FBXW9: variants seen among roughly 807,000 people sequenced by gnomAD.
The protein encoded by FBXW9 is F-box and WD repeat domain containing 9, also known as F-box/WD repeat-containing protein 9.
A neutral mutation model predicts 55.8 loss-of-function variants in FBXW9; 38 were observed. The ratio of observed to expected loss-of-function variants is 0.68; its 90% CI spans 0.53 to 0.89. FBXW9 has a LOEUF of 0.89. FBXW9 is among the 40% of genes least tolerant of loss of function. FBXW9 has a pLI of 0.00. For synonymous variants in FBXW9, 289 were observed against 278.2 expected, an observed-to-expected ratio of 1.04 and a Z score of -0.38; for missense variants, 590 against 619.4, an observed-to-expected ratio of 0.95 and a Z score of 0.50.
chr19:12,694,665 G>A lies in FBXW9; in HGVS notation c.607C>T (p.Arg203Trp), dbSNP rs745484869. 1.2e-5 allele frequency: 20 copies of A among 1,614,162 alleles called. No individual in the cohort carries two copies. The highest frequency in any genetic ancestry group is 4.4e-5 in the South Asian group (4 of 91,088). ...TGGTTGGACTCCGTCCCCAGCTGCC[G>A]CAGGTCCCACAAGTTGACGTTGCGA... The part of the protein sequence containing the change: ...RDRNVNLWDL[R>W]QLGTESNQVL... Residue 203 changes from arginine to tryptophan, a missense_variant, in exon 3 of 10, where the codon CGG (arginine) becomes TGG (tryptophan). Transcript: ENST00000393261.
Position 12,689,825 on chromosome 19 carries a change from G to A in FBXW9, c.1082C>T (p.Ala361Val). The change falls in exon 7 of 10, where the codon GCT (alanine) becomes GTT (valine). Residue 361 changes from alanine (A) to valine (V), a missense_variant. Physicochemically the swap from Ala to Val is moderately conservative, Grantham distance 64. Transcript: ENST00000393261. This position sits in a 1 kb window ranked among gnomAD's most constrained non-coding sequence, Gnocchi z 5.9. ...GTGCAGCAGGCCCTGGTTGTCACCAGCCCAGAGCTGGGGTTCCTGGTAGGA... is the reference window on the plus strand; with the variant it reads ...GTGCAGCAGGCCCTGGTTGTCACCAACCCAGAGCTGGGGTTCCTGGTAGGA... Reference protein sequence around the residue: ...CMSYQEPQLWAGDNQGLLHVF... With the variant: ...CMSYQEPQLWVGDNQGLLHVF... 6.2e-7 allele frequency: 1 copy of A among 1,614,182 alleles called. No homozygotes were observed. The highest frequency in any genetic ancestry group is 8.5e-7 in the Non-Finnish European group (1 of 1,180,032).
intron 1 of FBXW9, 24 bp downstream of exon 1, chr19:12,696,149 T>C (rs1414041222): frequency 8.3e-6 from 12 of 1,453,384 alleles, no homozygotes; most frequent in African/African-American, 2.9e-5. Context: ...CGGCCCCCGG[T>C]CCCCGGCCCC....
In FBXW9 at chr19:12,691,245, G is replaced by A. The variant is rs201295755; in HGVS notation, c.804C>T (p.Ala268=). ...QQFGEIKASS[A]VLCLSYLPDI... ...CAGGCAGGTAGGAGAGGCACAGCACGGCTGAGCTGGCCCTAGGGACACACA... is the reference window on the plus strand; with the variant it reads ...CAGGCAGGTAGGAGAGGCACAGCACAGCTGAGCTGGCCCTAGGGACACACA... The change falls in exon 5 of 10, where the codon GCC becomes GCT. Residue 268 remains alanine, a synonymous_variant. Coordinates refer to ENST00000393261, the MANE Select transcript of FBXW9 (RefSeq NM_032301.3). 4,438 of 1,614,158 alleles carry A rather than the reference G, an allele frequency of 2.7e-3. 11 individuals carry two copies. The highest frequency in any genetic ancestry group is 3.4e-3 in the Non-Finnish European group (4,005 of 1,179,994).
rs774734992 is a variant in FBXW9, at chr19:12,694,694, C to T, written c.578G>A (p.Arg193Gln). The change falls in exon 3 of 10, where the codon CGA (arginine) becomes CAA (glutamine). Residue 193 changes from arginine to glutamine, a missense_variant. Coordinates refer to ENST00000393261, the MANE Select transcript of FBXW9 (RefSeq NM_032301.3). ...GTCCCACAAGTTGACGTTGCGATCTCGGGAGCCCGACAGACAGAGTGACCC... is the reference window on the plus strand; with the variant it reads ...GTCCCACAAGTTGACGTTGCGATCTTGGGAGCCCGACAGACAGAGTGACCC... ...QGGSLCLSGS[R>Q]DRNVNLWDLR... 15 of 1,614,062 alleles carry T rather than the reference C, an allele frequency of 9.3e-6. No homozygotes were observed. The highest frequency in any genetic ancestry group is 1.7e-5 in the Admixed American group (1 of 60,000).
chr19:12,691,309 C>G (rs764855748), intron 4 of FBXW9, 33 bp downstream of exon 4: 3 of 1,612,486 alleles, frequency 1.9e-6, no homozygotes, highest in Non-Finnish European at 1.7e-6. Context: ...AGGGTCCTAT[C>G]CCCGCAGGCC....
chr19:12,695,320 G>C (rs772018504), intron 1 of FBXW9, among the ~76,000 whole-genome samples: 19 of 152,180 alleles, frequency 1.2e-4, no homozygotes, highest in Non-Finnish European at 2.6e-4. Context: ...ATCTGAACCA[G>C]ACCAAGGGGG....
intron 1 of FBXW9, 98 bp from the exon 2 acceptor site, chr19:12,695,036 C>G: frequency 7.1e-7 from 1 of 1,399,350 alleles, no homozygotes. Flanking sequence ...GCCCACACTA[C>G]ACCAGACTTG....
chr19:12,693,058 A>ACT (rs1433524451), intron 3 of FBXW9, among the ~76,000 whole-genome samples: 2 of 152,118 alleles, frequency 1.3e-5, no homozygotes, highest in African/African-American at 4.8e-5. Context: ...TGAGGAGGGC[A>ACT]ATATTGTGTA....
Position 12,696,328 on chromosome 19 carries a change from T to C in FBXW9, c.254A>G (p.Glu85Gly). 6.3e-7 allele frequency: 1 copy of C among 1,592,394 alleles called. No homozygotes were observed. Among genetic ancestry groups the C allele is most frequent in the South Asian group, 1.1e-5 (1 of 88,836 alleles). Reference sequence around the variant, plus strand: ...GTAGGAGCAGATCTCGAGCAGCAGCTCCGGGGGAAGGCTCAGAAGGCCCGG... The same window carrying C: ...GTAGGAGCAGATCTCGAGCAGCAGCCCCGGGGGAAGGCTCAGAAGGCCCGG... ...SEPGLLSLPP[E>G]LLLEICSYLD... The change falls in exon 1 of 10, where the codon GAG becomes GGG. Residue 85 changes from glutamate to glycine, a missense_variant. Coordinates refer to ENST00000393261, the MANE Select transcript of FBXW9 (RefSeq NM_032301.3).
chr19:12,696,590 G>C lies in FBXW9; in HGVS notation c.-9C>G, dbSNP rs777124584. ...CCTAGGGGAAGCTCCATTGCGACCGGGTGGGCGCTGCCGGCCTCGCGTCTT... is the reference window on the plus strand; with the variant it reads ...CCTAGGGGAAGCTCCATTGCGACCGCGTGGGCGCTGCCGGCCTCGCGTCTT... On this transcript the variant is annotated 5_prime_UTR_variant, in exon 1 of 10. Transcript: ENST00000393261. 2.5e-6 allele frequency: 4 copies of C among 1,604,824 alleles called. No individual in the cohort carries two copies. The highest frequency in any genetic ancestry group is 3.4e-6 in the Non-Finnish European group (4 of 1,179,150).
chr19:12,694,664 C>T lies in FBXW9; in HGVS notation c.608G>A (p.Arg203Gln), dbSNP rs778546181. The change falls in exon 3 of 10, where the codon CGG becomes CAG. Residue 203 changes from arginine (R) to glutamine (Q), a missense_variant. Physicochemically the swap from Arg to Gln is conservative, Grantham distance 43. Transcript: ENST00000393261. ...CTGGTTGGACTCCGTCCCCAGCTGC[C>T]GCAGGTCCCACAAGTTGACGTTGCG... ...RDRNVNLWDL[R>Q]QLGTESNQVL... 12 of 1,614,192 alleles carry T rather than the reference C, an allele frequency of 7.4e-6. No individual in the cohort carries two copies. In the South Asian group the frequency reaches 1.1e-4, roughly 15 times the overall value.
chr19:12,696,086 G>T, intron 1 of FBXW9, 87 bp downstream of exon 1: 1 of 1,301,570 alleles, frequency 7.7e-7, no homozygotes, highest in Non-Finnish European at 1.0e-6. Context: ...GCTGCATCCG[G>T]AACACCCCAT....
In FBXW9 at chr19:12,690,125, G is replaced by C. The variant is rs2024986459; in HGVS notation, c.884-15C>G. ...GGCTGGGCCGGCTTCATGGGTGATG[G>C]GCCGGTGAGGAGGGATATCAGAGCC... is the stretch of plus-strand genomic sequence containing the variant. On this transcript the variant is annotated splice_polypyrimidine_tract_variant and intron_variant, in intron 5 of 9. Coordinates refer to ENST00000393261, the MANE Select transcript of FBXW9 (RefSeq NM_032301.3). 2 of 1,613,172 alleles carry C rather than the reference G, an allele frequency of 1.2e-6. No homozygotes were observed. The highest frequency in any genetic ancestry group is 2.7e-5 in the African/African-American group (2 of 74,894).
At position 12,691,225 on chromosome 19, in the gene FBXW9, A is replaced by G; in HGVS notation, c.824T>C (p.Leu275Pro). 6.2e-7 allele frequency: 1 copy of G among 1,614,216 alleles called. No homozygotes were observed. The highest frequency in any genetic ancestry group is 8.5e-7 in the Non-Finnish European group (1 of 1,180,024). ...ASSAVLCLSY[L>P]PDILVTGTYD... ...GGTGCCAGTCACCAGGATGTCAGGC[A>G]GGTAGGAGAGGCACAGCACGGCTGA... The change falls in exon 5 of 10, where the codon CTG becomes CCG. Residue 275 changes from leucine to proline, a missense_variant. Coordinates refer to ENST00000393261, the MANE Select transcript of FBXW9 (RefSeq NM_032301.3).
chr19:12,694,410 A>T (rs1034293329), intron 3 of FBXW9, among the ~76,000 whole-genome samples, 184 bp downstream of exon 3: 2 of 151,932 alleles, frequency 1.3e-5, no homozygotes, highest in South Asian at 2.1e-4. Context: ...CTTCATCCTC[A>T]TCCTAATCAC....
chr19:12,693,488 G>A (rs1342820483), intron 3 of FBXW9, among the ~76,000 whole-genome samples: 10 of 100,162 alleles, frequency 1.0e-4, no homozygotes, highest in East Asian at 3.6e-4. Context: ...GCGAAACCTC[G>A]TCTCTACTAA....
intron 5 of FBXW9, 102 bp from the exon 6 acceptor site, chr19:12,690,212 C>A (rs749882252): frequency 2.6e-6 from 4 of 1,562,092 alleles, no homozygotes; most frequent in Non-Finnish European, 3.5e-6. Flanking sequence ...TGGCAAAACC[C>A]TCGATCTGCT....
At chr19:12,691,130 C>T in intron 5 of FBXW9, 36 bp downstream of exon 5, 1 of 1,567,124 alleles carries the variant, frequency 6.4e-7, no homozygotes, top group Non-Finnish European at 8.8e-7. Flanking sequence ...CCTAACATGA[C>T]ATCTCCCAAC....
In FBXW9 at chr19:12,689,598, A is replaced by G; in HGVS notation, c.1179T>C (p.Thr393=). ...SFDVGHSFPI[T]GIQYSVGALY... ...AGGCTCCCACGGAGTACTGGATCCC[A>G]GTGATGGGAAAGCTGTGGCCCACAT... is the stretch of plus-strand genomic sequence containing the variant. Residue 393 remains threonine, a synonymous_variant, in exon 8 of 10, where the codon ACT becomes ACC. Coordinates refer to ENST00000393261, the MANE Select transcript of FBXW9 (RefSeq NM_032301.3). This position sits in a 1 kb window ranked among gnomAD's most constrained non-coding sequence, Gnocchi z 5.9. 1.2e-6 allele frequency: 2 copies of G among 1,614,104 alleles called. No individual in the cohort carries two copies. Among genetic ancestry groups the G allele is most frequent in the African/African-American group, 1.3e-5 (1 of 75,024 alleles).
Sources: gnomAD v4.1 joint callset for allele counts (sites outside exome capture counted in the v4.1 genomes callset) on GRCh38, gnomAD v4.1.1 for gene constraint, Gnocchi (gnomAD v3.1) non-coding constraint, MANE v1.5 for transcripts, NCBI Gene and HGNC (gene_info 2026-07-23, HGNC 2026-07-21) for gene names.